The following TAFA2 variants were observed in gnomAD, a reference collection of about 807,000 sequenced individuals.
The protein encoded by TAFA2 is chemokine-like protein TAFA-2.
A neutral mutation model predicts 18.8 loss-of-function variants in TAFA2; 7 were observed. The observed-to-expected ratio is 0.37, with a 90% CI of 0.21 to 0.70. The LOEUF is 0.70. TAFA2 is among the 30% of genes least tolerant of loss of function. The pLI is 0.53. For missense variants in TAFA2, 122 were observed against 158.1 expected, an observed-to-expected ratio of 0.77 and a Z score of 1.23; for synonymous variants, 60 against 54.2, an observed-to-expected ratio of 1.11 and a Z score of -0.47.
At chr12:62,032,052 A>T (rs1881473248) in intron 1 of TAFA2, among the ~76,000 whole-genome samples, 1 of 152,212 alleles carries the variant, frequency 6.6e-6, no homozygotes, top group South Asian at 2.1e-4. Context: ...AACTTAAATA[A>T]CATTGAAAAT....
intron 4 of TAFA2, among the ~76,000 whole-genome samples, chr12:61,750,902 A>C (rs1352858041): frequency 6.6e-6 from 1 of 152,076 alleles, no homozygotes; most frequent in East Asian, 1.9e-4. Context: ...TTCCTACATA[A>C]CTTCTGGCCT....
intron 1 of TAFA2, among the ~76,000 whole-genome samples, chr12:62,040,016 AT>A (rs1881716159): frequency 6.6e-6 from 1 of 152,146 alleles, no homozygotes; most frequent in Admixed American, 6.5e-5. Context: ...CTAGATGTTC[AT>A]TTTAATTAAG....
intron 1 of TAFA2, among the ~76,000 whole-genome samples, chr12:61,918,940 A>T (rs552209817): frequency 2.0e-5 from 3 of 152,330 alleles, no homozygotes; most frequent in African/African-American, 7.2e-5. Context: ...TGCCTGTGCT[A>T]GCCGTATTTC....
intron 1 of TAFA2, among the ~76,000 whole-genome samples, chr12:61,997,079 A>G (rs1346823321): frequency 6.6e-6 from 1 of 152,112 alleles, no homozygotes; most frequent in Non-Finnish European, 1.5e-5. Flanking sequence ...AGGAAGAAAC[A>G]AAAAATAATA....
At chr12:61,748,964 G>A (rs1041310691) in intron 4 of TAFA2, among the ~76,000 whole-genome samples, 2 of 151,840 alleles carry the variant, frequency 1.3e-5, no homozygotes, top group Non-Finnish European at 2.9e-5. Flanking sequence ...ACTGCATATG[G>A]GTAAAGGAAA....
chr12:62,019,751 A>G (rs1030630790), intron 1 of TAFA2, among the ~76,000 whole-genome samples: 3 of 151,990 alleles, frequency 2.0e-5, no homozygotes, highest in African/African-American at 7.3e-5. Flanking sequence ...GCACACCAAC[A>G]TGGCACATGT....
intron 2 of TAFA2, among the ~76,000 whole-genome samples, chr12:61,803,828 T>C (rs906535006): frequency 6.6e-6 from 1 of 151,976 alleles, no homozygotes; most frequent in African/African-American, 2.4e-5. Context: ...AAATGGCACA[T>C]GTATACATAT....
intron 1 of TAFA2, among the ~76,000 whole-genome samples, chr12:62,005,032 G>T: frequency 6.6e-6 from 1 of 152,034 alleles, no homozygotes; most frequent in South Asian, 2.1e-4. Flanking sequence ...GGTGAGGGGG[G>T]TAAACTACAT....
chr12:61,737,893 G>C (rs938701727), intron 4 of TAFA2, among the ~76,000 whole-genome samples: 2 of 151,874 alleles, frequency 1.3e-5, no homozygotes, highest in African/African-American at 4.8e-5. Flanking sequence ...AACAAAGCTT[G>C]CTCTATTTTT....
At chr12:62,083,868 C>CT (rs1450620876) in intron 1 of TAFA2, among the ~76,000 whole-genome samples, 2 of 152,050 alleles carry the variant, frequency 1.3e-5, no homozygotes, top group Non-Finnish European at 1.5e-5. Context: ...ATTTATGTGA[C>CT]TTTTTTATTT....
intron 1 of TAFA2, among the ~76,000 whole-genome samples, chr12:62,047,099 T>A (rs770539346): frequency 6.6e-6 from 1 of 152,012 alleles, no homozygotes; most frequent in Non-Finnish European, 1.5e-5. Context: ...AATAATTAGG[T>A]CAGGAACTGA....
chr12:61,923,446 A>C (rs955570375), intron 1 of TAFA2, among the ~76,000 whole-genome samples: 13 of 152,184 alleles, frequency 8.5e-5, no homozygotes, highest in African/African-American at 3.1e-4. Context: ...ATCCAGGAAA[A>C]CAGTCTCTGG....
intron 1 of TAFA2, among the ~76,000 whole-genome samples, chr12:62,224,879 G>T (rs767091339): frequency 6.6e-6 from 1 of 151,942 alleles, no homozygotes; most frequent in Non-Finnish European, 1.5e-5. Context: ...TTACATTTTC[G>T]CAGATTTTTA....
chr12:62,140,583 C>A (rs927061123), intron 1 of TAFA2, among the ~76,000 whole-genome samples: 3 of 152,164 alleles, frequency 2.0e-5, no homozygotes, highest in African/African-American at 4.8e-5. Context: ...CTCCTCTTAA[C>A]CTTCATAAAG....
chr12:61,966,130 A>G (rs544743346), intron 1 of TAFA2, among the ~76,000 whole-genome samples: 1 of 151,986 alleles, frequency 6.6e-6, no homozygotes, highest in African/African-American at 2.4e-5. Context: ...TCTACAGAGT[A>G]CAAGTGTTCC....
At chr12:62,249,829 G>C (rs2062903936) in intron 1 of TAFA2, among the ~76,000 whole-genome samples, 1 of 152,130 alleles carries the variant, frequency 6.6e-6, no homozygotes, top group Admixed American at 6.5e-5. Flanking sequence ...CTAAACAGGA[G>C]ATTCAGACAA....
chr12:61,797,045 A>G (rs981069396), intron 2 of TAFA2, among the ~76,000 whole-genome samples: 1 of 152,224 alleles, frequency 6.6e-6, no homozygotes, highest in Non-Finnish European at 1.5e-5. Flanking sequence ...AATTCACAAG[A>G]GTAAATCTTG....
intron 1 of TAFA2, among the ~76,000 whole-genome samples, chr12:62,149,837 G>A (rs2062315546): frequency 6.6e-6 from 1 of 152,062 alleles, no homozygotes; most frequent in South Asian, 2.1e-4. Context: ...TTTATCAGAG[G>A]TTGATACAAG....
At chr12:62,027,550 G>GA (rs1881341301) in intron 1 of TAFA2, among the ~76,000 whole-genome samples, 1 of 151,204 alleles carries the variant, frequency 6.6e-6, no homozygotes, top group Non-Finnish European at 1.5e-5. Context: ...TTTCACATTG[G>GA]AATCCCAAAA....
Sources: gnomAD v4.1 joint callset for allele counts (sites outside exome capture counted in the v4.1 genomes callset) on GRCh38, gnomAD v4.1.1 for gene constraint, MANE v1.5 for transcripts, NCBI Gene and HGNC (gene_info 2026-07-23, HGNC 2026-07-21) for gene names.